Variants in COL28A1 observed in about 807,000 individuals in gnomAD.
The protein encoded by COL28A1 is collagen type XXVIII alpha 1 chain.
A neutral mutation model predicts 150.2 loss-of-function variants in COL28A1; 161 were observed. The ratio of observed to expected loss-of-function variants is 1.07; its 90% CI spans 0.94 to 1.22. COL28A1 has a LOEUF of 1.22. Ranked by LOEUF, COL28A1 falls within the 50% of genes most tolerant of loss-of-function variation. The pLI is 0.00. For synonymous variants in COL28A1, 552 were observed against 469.7 expected, an observed-to-expected ratio of 1.18 and a Z score of -2.26; for missense variants, 1,617 against 1,388.3, an observed-to-expected ratio of 1.16 and a Z score of -2.62.
chr7:7,411,784 A>C (rs751681721), intron 27 of COL28A1, among the ~76,000 whole-genome samples: 22 of 152,168 alleles, frequency 1.4e-4, no homozygotes, highest in Non-Finnish European at 1.5e-4. Flanking sequence ...AAGAAAGAAG[A>C]TTATCAATGC....
chr7:7,416,323 G>A (rs963559590), intron 27 of COL28A1, among the ~76,000 whole-genome samples: 1 of 152,208 alleles, frequency 6.6e-6, no homozygotes, highest in African/African-American at 2.4e-5. Context: ...GAGGCAGGAA[G>A]CCAGATAAGT....
chr7:7,491,133 T>C (rs1270812115), intron 11 of COL28A1, among the ~76,000 whole-genome samples: 2 of 152,170 alleles, frequency 1.3e-5, no homozygotes, highest in Non-Finnish European at 2.9e-5. Flanking sequence ...TTCTCAGCTT[T>C]CCTTCCCTGC....
intron 13 of COL28A1, among the ~76,000 whole-genome samples, chr7:7,485,924 TA>T (rs1779602369): frequency 1.3e-5 from 2 of 152,202 alleles, no homozygotes; most frequent in South Asian, 4.1e-4. Context: ...TCAAGTTTTT[TA>T]AAAGCTATTC....
At chr7:7,428,687 T>C (rs1272745044) in intron 25 of COL28A1, among the ~76,000 whole-genome samples, 1 of 152,202 alleles carries the variant, frequency 6.6e-6, no homozygotes, top group East Asian at 1.9e-4. Flanking sequence ...GGAGATTGGA[T>C]CCAGGAGTGA....
intron 27 of COL28A1, among the ~76,000 whole-genome samples, chr7:7,408,552 C>T (rs567548696): frequency 1.3e-5 from 2 of 152,258 alleles, no homozygotes; most frequent in South Asian, 4.1e-4. Flanking sequence ...TGTCCTTCAA[C>T]CAGTCAAACA....
At chr7:7,402,921 G>A (rs1783292292) in intron 27 of COL28A1, among the ~76,000 whole-genome samples, 1 of 152,180 alleles carries the variant, frequency 6.6e-6, no homozygotes, top group East Asian at 1.9e-4. Flanking sequence ...CTACAGACAG[G>A]ACTCATGTTT....
chr7:7,351,653 G>C (rs1202807886), downstream of COL28A1, among the ~76,000 whole-genome samples: 3 of 151,984 alleles, frequency 2.0e-5, no homozygotes, highest in Non-Finnish European at 4.4e-5. Context: ...TTAAATGAAA[G>C]ATTTTTTCAA....
chr7:7,418,992 C>T (rs1426806428), intron 26 of COL28A1, among the ~76,000 whole-genome samples: 1 of 152,172 alleles, frequency 6.6e-6, no homozygotes, highest in Non-Finnish European at 1.5e-5. Context: ...TCCCTCTCCT[C>T]TCTGAGAATG....
intron 10 of COL28A1, 123 bp from the exon 11 acceptor site, chr7:7,506,190 T>C: frequency 1.6e-6 from 1 of 613,824 alleles, no homozygotes; most frequent in South Asian, 2.1e-5. Context: ...AGAGCTAAAT[T>C]GAAATCACAT....
At chr7:7,511,389 T>G (rs1781127291) in intron 8 of COL28A1, among the ~76,000 whole-genome samples, 1 of 152,124 alleles carries the variant, frequency 6.6e-6, no homozygotes, top group South Asian at 2.1e-4. Flanking sequence ...TTTTAAGAAA[T>G]GGATGAAACT....
chr7:7,513,335 T>G (rs1412939472), intron 8 of COL28A1, among the ~76,000 whole-genome samples: 2 of 152,240 alleles, frequency 1.3e-5, no homozygotes, highest in East Asian at 3.8e-4. Context: ...GTCCATGTTC[T>G]TATCAGTCAC....
At chr7:7,535,721 G>C (rs188942929) in intron 1 of COL28A1, 29 bp downstream of exon 1, 1 of 152,242 alleles carries the variant, frequency 6.6e-6, no homozygotes, top group East Asian at 1.9e-4. Context: ...CTGATTTCAA[G>C]TGACTAAAAT....
chr7:7,365,032 C>T (rs892159099), intron 33 of COL28A1, among the ~76,000 whole-genome samples: 1 of 152,098 alleles, frequency 6.6e-6, no homozygotes, highest in Non-Finnish European at 1.5e-5. Flanking sequence ...AAATTAGGCC[C>T]TAACATGACT....
chr7:7,385,231 G>C (rs1782111847), intron 27 of COL28A1, among the ~76,000 whole-genome samples: 1 of 152,226 alleles, frequency 6.6e-6, no homozygotes, highest in Admixed American at 6.5e-5. Flanking sequence ...GGAGGTGAAT[G>C]AGGACATTTT....
At chr7:7,397,266 A>G (rs1399580309) in intron 27 of COL28A1, among the ~76,000 whole-genome samples, 1 of 152,030 alleles carries the variant, frequency 6.6e-6, no homozygotes, top group African/African-American at 2.4e-5. Flanking sequence ...CCTGCACTCC[A>G]GTCTGTTTCC....
upstream of COL28A1, among the ~76,000 whole-genome samples, chr7:7,539,404 G>C (rs1266809096): frequency 1.3e-5 from 2 of 152,226 alleles, no homozygotes; most frequent in African/African-American, 2.4e-5. Flanking sequence ...CTAATACAGA[G>C]AGAACACACT....
intron 27 of COL28A1, among the ~76,000 whole-genome samples, chr7:7,389,174 A>G (rs778093905): frequency 6.6e-6 from 1 of 152,060 alleles, no homozygotes; most frequent in Non-Finnish European, 1.5e-5. Flanking sequence ...TAATTTTTGT[A>G]TAAAGTGTAA....
At chr7:7,517,510 GCAAA>G (rs1439237603) in intron 7 of COL28A1, among the ~76,000 whole-genome samples, 5 of 152,104 alleles carry the variant, frequency 3.3e-5, no homozygotes, top group Admixed American at 3.3e-4. Context: ...AAGAAATAAA[GCAAA>G]CAGTTTTCTC....
rs550223120 is a variant in COL28A1 at position 7,462,961 on chromosome 7, C to T, written c.1303-6849G>A. On this transcript the variant is annotated intron_variant, in intron 15 of 34. Coordinates refer to ENST00000399429, the MANE Select transcript of COL28A1 (RefSeq NM_001037763.3). Reference sequence around the variant, plus strand: ...AAGGAAGACCTTCAGAGCTCAAAGACAAGGTTTTTTAATTAATCCAAACAA... The same window carrying T: ...AAGGAAGACCTTCAGAGCTCAAAGATAAGGTTTTTTAATTAATCCAAACAA... Among the ~76,000 whole-genome samples the T allele has an allele frequency of 2.0e-5, 3 of 151,302 alleles. No homozygotes were observed. In the East Asian group the frequency reaches 5.8e-4, roughly 29 times the overall value.
Sources: gnomAD v4.1 joint callset for allele counts (sites outside exome capture counted in the v4.1 genomes callset) on GRCh38, gnomAD v4.1.1 for gene constraint, MANE v1.5 for transcripts, NCBI Gene and HGNC (gene_info 2026-07-23, HGNC 2026-07-21) for gene names.